Variants in CBLB observed in about 807,000 individuals in gnomAD.
The protein encoded by CBLB is E3 ubiquitin-protein ligase CBL-B.
In CBLB, 31 loss-of-function variants were observed where a neutral mutation model predicts 104.9. The observed-to-expected ratio is 0.30, with a 90% CI of 0.22 to 0.40. The LOEUF (loss-of-function observed/expected upper bound fraction) is 0.40, where lower values mean the gene tolerates loss of function less well. CBLB is among the 10% of genes least tolerant of loss of function. The pLI, the probability that CBLB is intolerant of heterozygous loss-of-function variation, is 1.00. For synonymous variants in CBLB, 440 were observed against 422.6 expected (o/e 1.04, Z -0.51); for missense variants, 1,062 against 1,214.6 (o/e 0.87, Z 1.87).
At chr3:105,852,447 T>A (rs1025594611) in intron 3 of CBLB, among the ~76,000 whole-genome samples, 3 of 152,152 alleles carry the variant, frequency 2.0e-5, no homozygotes, top group Non-Finnish European at 4.4e-5. Context: ...TATAGGGTAA[T>A]ATAGAAAGAA....
At chr3:105,850,309 T>A (rs1300443618) in intron 3 of CBLB, among the ~76,000 whole-genome samples, 1 of 152,096 alleles carries the variant, frequency 6.6e-6, no homozygotes, top group Non-Finnish European at 1.5e-5. Flanking sequence ...CCAGTATTCA[T>A]AGAAAATTTA....
intron 3 of CBLB, among the ~76,000 whole-genome samples, chr3:105,790,409 T>C (rs78667529): frequency 0.022 from 3,369 of 152,346 alleles, 86 homozygotes; most frequent in East Asian, 0.12. Flanking sequence ...CAACTATCAG[T>C]TTTCCCTGTT....
intron 3 of CBLB, among the ~76,000 whole-genome samples, chr3:105,787,057 T>C (rs2081116894): frequency 6.6e-6 from 1 of 152,192 alleles, no homozygotes; most frequent in African/African-American, 2.4e-5. Context: ...AGTTTTTTTC[T>C]TTCAAAATGA....
At chr3:105,856,348 CAAA>C (rs1169479720) in intron 2 of CBLB, among the ~76,000 whole-genome samples, 1 of 31,090 alleles carries the variant, frequency 3.2e-5, no homozygotes, top group African/African-American at 1.2e-4. Context: ...GACTCCATCT[CAAA>C]AAAAAAAAAA....
chr3:105,802,966 C>T (rs902709220), intron 3 of CBLB, among the ~76,000 whole-genome samples: 1 of 152,130 alleles, frequency 6.6e-6, no homozygotes, highest in African/African-American at 2.4e-5. Flanking sequence ...AATAAAACCC[C>T]TTTGCTTAGA....
intron 3 of CBLB, among the ~76,000 whole-genome samples, chr3:105,811,874 T>C (rs748703077): frequency 3.3e-5 from 5 of 152,158 alleles, no homozygotes; most frequent in Non-Finnish European, 5.9e-5. Flanking sequence ...TGGCTAATTT[T>C]TGTATTTTTA....
At chr3:105,673,288 C>G (rs2065265807) in intron 17 of CBLB, 1 of 152,122 alleles carries the variant, frequency 6.6e-6, no homozygotes, top group Non-Finnish European at 1.5e-5. Context: ...AGGCTGGTGT[C>G]AAATTCCTGA....
At chr3:105,802,894 T>C (rs939052136) in intron 3 of CBLB, among the ~76,000 whole-genome samples, 13 of 152,200 alleles carry the variant, frequency 8.5e-5, no homozygotes, top group African/African-American at 1.4e-4. Context: ...TATACACATA[T>C]ATGTATATAT....
intron 18 of CBLB, among the ~76,000 whole-genome samples, chr3:105,660,040 C>A (rs1215655134): frequency 1.3e-5 from 2 of 152,060 alleles, no homozygotes; most frequent in African/African-American, 4.8e-5. Flanking sequence ...GACATTGGCA[C>A]CCATGAATGG....
At chr3:105,865,226 CTT>C (rs1055641974) in intron 2 of CBLB, among the ~76,000 whole-genome samples, 7 of 152,142 alleles carry the variant, frequency 4.6e-5, no homozygotes, top group African/African-American at 1.4e-4. Context: ...GTACTACACA[CTT>C]ATATACTGCC....
At chr3:105,680,494 T>C (rs2066181595) in intron 16 of CBLB, among the ~76,000 whole-genome samples, 2 of 152,104 alleles carry the variant, frequency 1.3e-5, no homozygotes, top group Non-Finnish European at 2.9e-5. Flanking sequence ...AAGATCTGGG[T>C]AATATGTCAA....
Position 105,720,036 on chromosome 3 carries a change from T to C in CBLB, c.1407+11A>G. ...ACATCACCTTAACTAAACCCATGTT[T>C]CTAGTTTTACCTTTCGGACGTTTGC... On this transcript the variant is annotated intron_variant, in intron 10 of 18. Coordinates refer to ENST00000394030, the MANE Select transcript of CBLB (RefSeq NM_170662.5). The C allele has an allele frequency of 6.3e-7, 1 of 1,597,220 alleles. No homozygotes were observed. Among genetic ancestry groups the C allele is most frequent in the Non-Finnish European group, 8.6e-7 (1 of 1,164,690 alleles).
intron 6 of CBLB, among the ~76,000 whole-genome samples, chr3:105,743,818 T>C (rs1177592610): frequency 6.6e-6 from 1 of 151,996 alleles, no homozygotes; most frequent in African/African-American, 2.4e-5. Context: ...GGTGTTTTCC[T>C]AAACACATCT....
chr3:105,773,671 C>A (rs1484482164), intron 4 of CBLB, among the ~76,000 whole-genome samples: 1 of 152,044 alleles, frequency 6.6e-6, no homozygotes, highest in Admixed American at 6.6e-5. Context: ...AGTTATTATT[C>A]CAGAGTGTGA....
intron 2 of CBLB, among the ~76,000 whole-genome samples, chr3:105,862,092 C>T (rs1421059615): frequency 6.6e-6 from 1 of 152,006 alleles, no homozygotes; most frequent in Non-Finnish European, 1.5e-5. Context: ...TAATTACACC[C>T]CTCAATCTCC....
intron 4 of CBLB, among the ~76,000 whole-genome samples, chr3:105,754,105 GCAAAA>G (rs2076826088): frequency 6.6e-6 from 1 of 151,942 alleles, no homozygotes; most frequent in African/African-American, 2.4e-5. Context: ...GATCACTTCA[GCAAAA>G]CACCCATTAT....
chr3:105,755,909 A>T (rs1417364010), intron 4 of CBLB, among the ~76,000 whole-genome samples: 1 of 152,208 alleles, frequency 6.6e-6, no homozygotes, highest in African/African-American at 2.4e-5. Context: ...AAAAATATTT[A>T]TTGTCGTGGA....
intron 13 of CBLB, among the ~76,000 whole-genome samples, chr3:105,691,593 G>A (rs1433592021): frequency 3.9e-5 from 6 of 152,102 alleles, no homozygotes; most frequent in Admixed American, 3.9e-4. Context: ...AATGTTCTCT[G>A]AGTTATCAAA....
chr3:105,746,055 T>G lies in CBLB; in HGVS notation c.724-17A>C. The G allele has an allele frequency of 6.5e-7, 1 of 1,531,604 alleles. No individual in the cohort carries two copies. The highest frequency in any genetic ancestry group is 9.0e-7 in the Non-Finnish European group (1 of 1,107,112). The allele number at this position is 1,531,604 out of a possible 1,614,324, so 94.9% of individuals were successfully genotyped here. ...GCCCCAAGGCTAAAAAATAAAAAAA[T>G]TAAAAGAGATTAGTATCTAGAGAAT... On this transcript the variant is annotated splice_polypyrimidine_tract_variant and intron_variant, in intron 5 of 18. Transcript: ENST00000394030.
Sources: gnomAD v4.1 joint callset for allele counts (sites outside exome capture counted in the v4.1 genomes callset) on GRCh38, gnomAD v4.1.1 for gene constraint, MANE v1.5 for transcripts, NCBI Gene and HGNC (gene_info 2026-07-23, HGNC 2026-07-21) for gene names.